Variants in GRID2 observed in about 807,000 individuals in gnomAD.
GRID2 encodes glutamate ionotropic receptor delta type subunit 2, also known as glutamate receptor ionotropic, delta-2.
Under a neutral mutation model 114.8 loss-of-function variants are expected in GRID2, and 33 were observed. The observed-to-expected ratio is 0.29, with a 90% CI of 0.22 to 0.38. The LOEUF (loss-of-function observed/expected upper bound fraction) is 0.38. GRID2 is among the 10% of genes least tolerant of loss of function. GRID2 has a pLI of 1.00. For missense variants in GRID2, 1,184 were observed against 1,257.7 expected (o/e 0.94, Z 0.89); for synonymous variants, 505 against 449.9 (o/e 1.12, Z -1.55).
intron 2 of GRID2, chr4:92,885,040 G>A (rs1187939885): frequency 7.1e-6 from 2 of 282,636 alleles, no homozygotes; most frequent in Non-Finnish European, 1.4e-5. Context: ...AACAGGAACA[G>A]ATTCTTCTTT....
chr4:93,804,267 A>G (rs1001733948), intron 1 of GRID2, among the ~76,000 whole-genome samples: 4 of 152,230 alleles, frequency 2.6e-5, no homozygotes, highest in African/African-American at 9.6e-5. Context: ...GTGTTGCTTA[A>G]CCATGGAGAT....
intron 4 of GRID2, 85 bp downstream of exon 4, chr4:93,111,038 G>C: frequency 1.2e-6 from 1 of 831,592 alleles, no homozygotes; most frequent in Non-Finnish European, 2.0e-6. Context: ...TGAAAATTAA[G>C]AGCAGTGCGA....
Position 93,000,192 on chromosome 4 carries a change from T to G in GRID2, c.245-84803T>G, listed in dbSNP as rs1227539056. ...CTCAGTAACTATTTAATTTACTAAC[T>G]TGGGAAATAATATATGTATTAGTGA... On this transcript the variant is annotated intron_variant, in intron 2 of 15. Coordinates refer to ENST00000282020, the MANE Select transcript of GRID2 (RefSeq NM_001510.4). Among the ~76,000 whole-genome samples, 4 of 151,810 alleles carry G rather than the reference T, an allele frequency of 2.6e-5. No homozygotes were observed. In the East Asian group the frequency reaches 7.7e-4, roughly 29 times the overall value.
At chr4:92,331,347 G>A (rs553341420) in intron 1 of GRID2, among the ~76,000 whole-genome samples, 10 of 152,216 alleles carry the variant, frequency 6.6e-5, no homozygotes, top group Non-Finnish European at 1.5e-4. Flanking sequence ...TTCAGGTTAC[G>A]GCACTTAGCC....
intron 13 of GRID2, among the ~76,000 whole-genome samples, chr4:93,623,961 C>T (rs1742451775): frequency 2.0e-5 from 3 of 152,036 alleles, no homozygotes; most frequent in Non-Finnish European, 2.9e-5. Context: ...ATTTAAATGT[C>T]TTTTGTAATT....
chr4:93,627,365 G>T (rs1482665737), intron 14 of GRID2, among the ~76,000 whole-genome samples: 2 of 152,008 alleles, frequency 1.3e-5, no homozygotes, highest in Admixed American at 6.6e-5. Flanking sequence ...GGCATTTTGT[G>T]TGTATGTTTT....
intron 13 of GRID2, among the ~76,000 whole-genome samples, chr4:93,540,595 GA>G (rs1468879509): frequency 1.3e-5 from 2 of 152,174 alleles, no homozygotes; most frequent in South Asian, 4.1e-4. Context: ...TGGGACAGAA[GA>G]GCTGGACTAT....
chr4:93,050,236 C>T (rs1300648038), intron 2 of GRID2, among the ~76,000 whole-genome samples: 1 of 151,936 alleles, frequency 6.6e-6, no homozygotes, highest in Non-Finnish European at 1.5e-5. Flanking sequence ...GTTGCAATAG[C>T]CAGTCAACCA....
chr4:93,498,331 G>A (rs1727744131), intron 12 of GRID2, among the ~76,000 whole-genome samples: 1 of 151,690 alleles, frequency 6.6e-6, no homozygotes, highest in South Asian at 2.1e-4. Context: ...ATTCCATCAA[G>A]CTTTTTTATA....
At chr4:92,991,970 G>A (rs1301730603) in intron 2 of GRID2, among the ~76,000 whole-genome samples, 6 of 152,202 alleles carry the variant, frequency 3.9e-5, no homozygotes, top group African/African-American at 1.4e-4. Flanking sequence ...CGTATGTGAG[G>A]GGAATAAGAG....
intron 8 of GRID2, among the ~76,000 whole-genome samples, chr4:93,343,840 A>C (rs1381541859): frequency 6.6e-6 from 1 of 152,122 alleles, no homozygotes; most frequent in Non-Finnish European, 1.5e-5. Context: ...TAGATTATAG[A>C]ATGTGTAAGC....
chr4:93,052,663 T>C (rs1726834715), intron 2 of GRID2, among the ~76,000 whole-genome samples: 1 of 151,902 alleles, frequency 6.6e-6, no homozygotes, highest in South Asian at 2.1e-4. Flanking sequence ...GGTTGAGATG[T>C]TAGTGGCATG....
intron 14 of GRID2, among the ~76,000 whole-genome samples, chr4:93,717,184 A>G (rs548320313): frequency 4.6e-5 from 7 of 152,298 alleles, no homozygotes; most frequent in African/African-American, 1.7e-4. Flanking sequence ...GCCATATTGG[A>G]CATAGATACT....
intron 6 of GRID2, among the ~76,000 whole-genome samples, chr4:93,221,618 G>A (rs1280104217): frequency 1.3e-5 from 2 of 152,292 alleles, no homozygotes; most frequent in East Asian, 3.9e-4. Context: ...TTATTGTGAA[G>A]GAGGAGTCAA....
rs956007685 is a variant in GRID2 at position 93,020,581 on chromosome 4, G to T, written c.245-64414G>T. The stretch of plus-strand genomic sequence containing the variant: ...AAGACTAATGTGGGTTTAAAATGTG[G>T]GTTTAAAATGGAATTATTTTTAGTA... On this transcript the variant is annotated intron_variant, in intron 2 of 15. Transcript: ENST00000282020. Among the ~76,000 whole-genome samples the T allele has an allele frequency of 4.6e-5, 7 of 152,078 alleles. No homozygotes were observed. In the South Asian group the frequency reaches 1.2e-3, roughly 27 times the overall value.
intron 4 of GRID2, among the ~76,000 whole-genome samples, chr4:93,205,648 T>C (rs904768842): frequency 6.6e-6 from 1 of 152,156 alleles, no homozygotes; most frequent in Non-Finnish European, 1.5e-5. Flanking sequence ...AGCAGCATGA[T>C]TTATAATCCT....
intron 10 of GRID2, among the ~76,000 whole-genome samples, chr4:93,429,459 G>A (rs1279678296): frequency 1.3e-5 from 2 of 152,100 alleles, no homozygotes; most frequent in South Asian, 2.1e-4. Flanking sequence ...AAAGCTTGAT[G>A]GTTATTACAA....
At chr4:93,766,013 C>T (rs574349172) in intron 14 of GRID2, among the ~76,000 whole-genome samples, 1 of 152,186 alleles carries the variant, frequency 6.6e-6, no homozygotes, top group South Asian at 2.1e-4. Context: ...AGAATAGGAT[C>T]TGATATCAGA....
chr4:93,144,505 T>A (rs1736029962), intron 4 of GRID2, among the ~76,000 whole-genome samples: 2 of 152,078 alleles, frequency 1.3e-5, no homozygotes, highest in African/African-American at 4.8e-5. Flanking sequence ...ACAAAGCAGG[T>A]GGGAGAGATG....
Sources: allele counts gnomAD v4.1 joint callset (sites outside exome capture counted in the v4.1 genomes callset), GRCh38; gene constraint gnomAD v4.1.1; transcripts MANE v1.5; gene names NCBI Gene and HGNC (gene_info 2026-07-23, HGNC 2026-07-21).